The following ADAMTS20 variants were observed in gnomAD, a reference collection of about 807,000 sequenced individuals.
ADAMTS20 encodes the protein ADAM metallopeptidase with thrombospondin type 1 motif 20, also known as A disintegrin and metalloproteinase with thrombospondin motifs 20.
ADAMTS20 carries 225 observed loss-of-function variants against 260.1 expected under a neutral mutation model. The observed-to-expected ratio is 0.87, with a 90% CI of 0.78 to 0.97. The LOEUF (loss-of-function observed/expected upper bound fraction) is 0.97. ADAMTS20 is among the 50% of genes least tolerant of loss of function. ADAMTS20 has a pLI of 0.00. For synonymous variants in ADAMTS20, 802 were observed against 769.5 expected, an observed-to-expected ratio of 1.04 and a Z score of -0.70; for missense variants, 2,400 against 2,337.7, an observed-to-expected ratio of 1.03 and a Z score of -0.55.
chr12:43,430,713 T>C (rs531727654), intron 22 of ADAMTS20, among the ~76,000 whole-genome samples: 1 of 152,274 alleles, frequency 6.6e-6, no homozygotes, highest in Non-Finnish European at 1.5e-5. Flanking sequence ...TGAAAAGTTG[T>C]CATATAAAAA....
intron 3 of ADAMTS20, among the ~76,000 whole-genome samples, chr12:43,522,671 C>T (rs1943088219): frequency 6.6e-6 from 1 of 152,174 alleles, no homozygotes; most frequent in East Asian, 1.9e-4. Flanking sequence ...AGGGTCCTTC[C>T]TCACTTGGGT....
At chr12:43,420,424 T>C (rs975763927) in intron 28 of ADAMTS20, among the ~76,000 whole-genome samples, 9 of 152,206 alleles carry the variant, frequency 5.9e-5, no homozygotes. Flanking sequence ...GAGAAGTGTA[T>C]TATAAAATTT....
Position 43,492,538 on chromosome 12 carries a change from G to T in ADAMTS20, c.1043C>A (p.Pro348His). ...AAGAACAGCAGTGTCATGGTGGGAA[G>T]GGTGAACATCATCAAGGTCATTCTG... ...QTQNDLDDVH[P>H]SHHDTAVLIT... Residue 348 changes from proline to histidine, a missense_variant, in exon 6 of 39, where the codon CCT becomes CAT. Coordinates refer to ENST00000389420, the MANE Select transcript of ADAMTS20 (RefSeq NM_025003.5). 6.2e-7 allele frequency: 1 copy of T among 1,613,840 alleles called. No individual in the cohort carries two copies. Among genetic ancestry groups the T allele is most frequent in the South Asian group, 1.1e-5 (1 of 91,062 alleles).
At chr12:43,380,602 T>C (rs1466545959) in intron 31 of ADAMTS20, among the ~76,000 whole-genome samples, 1 of 152,132 alleles carries the variant, frequency 6.6e-6, no homozygotes, top group East Asian at 1.9e-4. Flanking sequence ...AACAATTCTA[T>C]TTCTATACAC....
intron 3 of ADAMTS20, among the ~76,000 whole-genome samples, chr12:43,506,235 T>G (rs983915683): frequency 2.6e-5 from 4 of 152,106 alleles, no homozygotes; most frequent in African/African-American, 9.7e-5. Context: ...TAAGCCAGTT[T>G]TTTTTTTTAA....
In ADAMTS20 at chr12:43,432,487, G is replaced by C; in HGVS notation, c.2932-19C>G. On this transcript the variant is annotated intron_variant, in intron 20 of 38. Transcript: ENST00000389420. ...TGGAACACTGATTAAAAAAAAAAAA[G>C]TGGTAACTAATGGAAAAAAATCAGA... is the stretch of plus-strand genomic sequence containing the variant. The C allele has an allele frequency of 1.3e-6, 2 of 1,528,106 alleles. No homozygotes were observed. The highest frequency in any genetic ancestry group is 1.8e-6 in the Non-Finnish European group (2 of 1,123,534). 94.7% of individuals were successfully genotyped at this position (1,528,106 alleles called of 1,614,324 possible).
chr12:43,383,664 C>T lies in ADAMTS20; in HGVS notation c.4691G>A (p.Arg1564Lys), dbSNP rs1200026115. ...ATTATAGACTATTTCATTCACTTGT[C>T]TGATTTGGTTATCTGTGCACTCCAT... Reference protein sequence around the residue: ...QRMECTDNQIRQVNEIVYNSS... With the variant: ...QRMECTDNQIKQVNEIVYNSS... Residue 1564 changes from arginine to lysine, a missense_variant, in exon 31 of 39, where the codon AGA (arginine) becomes AAA (lysine). Transcript: ENST00000389420. 6.2e-7 allele frequency: 1 copy of T among 1,613,890 alleles called. No individual in the cohort carries two copies. Among genetic ancestry groups the T allele is most frequent in the Non-Finnish European group, 8.5e-7 (1 of 1,179,850 alleles).
intron 21 of ADAMTS20, among the ~76,000 whole-genome samples, chr12:43,431,992 C>T (rs1364590538): frequency 1.3e-5 from 2 of 152,000 alleles, no homozygotes; most frequent in Non-Finnish European, 2.9e-5. Context: ...ATCCTCCCAC[C>T]TCAGCCTCCC....
intron 28 of ADAMTS20, among the ~76,000 whole-genome samples, chr12:43,416,981 T>G (rs887066600): frequency 6.6e-6 from 1 of 152,180 alleles, no homozygotes; most frequent in African/African-American, 2.4e-5. Flanking sequence ...ATGCATATTT[T>G]CTGACTTCCT....
At chr12:43,449,914 A>C (rs1415841719) in intron 14 of ADAMTS20, among the ~76,000 whole-genome samples, 1 of 152,286 alleles carries the variant, frequency 6.6e-6, no homozygotes, top group East Asian at 1.9e-4. Context: ...TGGAAATAAA[A>C]CCTAGGAATC....
intron 2 of ADAMTS20, among the ~76,000 whole-genome samples, chr12:43,541,598 A>G (rs1157586917): frequency 6.6e-6 from 1 of 152,312 alleles, no homozygotes; most frequent in Non-Finnish European, 1.5e-5. Context: ...AAAAATGTAA[A>G]AAGTTTTCTC....
chr12:43,449,302 C>A (rs904943018), intron 14 of ADAMTS20, among the ~76,000 whole-genome samples: 2 of 151,964 alleles, frequency 1.3e-5, no homozygotes, highest in Non-Finnish European at 2.9e-5. Flanking sequence ...TACTATGCAG[C>A]CATAGAAAAG....
chr12:43,361,523 C>T (rs1342785106), intron 37 of ADAMTS20, among the ~76,000 whole-genome samples: 1 of 152,228 alleles, frequency 6.6e-6, no homozygotes, highest in African/African-American at 2.4e-5. Context: ...GCAGGAAGAG[C>T]ATTTTATTGC....
At chr12:43,457,432 T>A (rs1457639812) in intron 11 of ADAMTS20, among the ~76,000 whole-genome samples, 1 of 152,218 alleles carries the variant, frequency 6.6e-6, no homozygotes, top group East Asian at 1.9e-4. Context: ...TTCTTTACTA[T>A]TAAGAGTTAC....
At chr12:43,516,995 A>C (rs1357686637) in intron 3 of ADAMTS20, among the ~76,000 whole-genome samples, 1 of 152,034 alleles carries the variant, frequency 6.6e-6, no homozygotes, top group Non-Finnish European at 1.5e-5. Context: ...TGCAGGGAAA[A>C]AGCTGGATAA....
chr12:43,434,509 T>G, intron 18 of ADAMTS20, 138 bp from the exon 19 acceptor site: 1 of 715,758 alleles, frequency 1.4e-6, no homozygotes, highest in South Asian at 2.3e-5. Flanking sequence ...CAGGATATAC[T>G]AGTATATTAA....
chr12:43,462,944 A>C lies in ADAMTS20; in HGVS notation c.1565T>G (p.Phe522Cys). 6.2e-7 allele frequency: 1 copy of C among 1,609,902 alleles called. No homozygotes were observed. Reference protein sequence around the residue: ...TSTEKLHKGCFTQHVPPADGT... With the variant: ...TSTEKLHKGCCTQHVPPADGT... Reference sequence around the variant, plus strand: ...ATCTGCTGGTGGCACGTGTTGAGTGAAACAGCCTTTGTGAAGCTTTTCTGT... The same window carrying C: ...ATCTGCTGGTGGCACGTGTTGAGTGCAACAGCCTTTGTGAAGCTTTTCTGT... Residue 522 changes from phenylalanine to cysteine, a missense_variant, in exon 11 of 39, where the codon TTC becomes TGC. Physicochemically the swap from Phe to Cys is radical, Grantham distance 205. Transcript: ENST00000389420.
chr12:43,423,570 A>T (rs1023735067), intron 28 of ADAMTS20: 1 of 596,250 alleles, frequency 1.7e-6, no homozygotes, highest in African/African-American at 1.9e-5. Context: ...CCAAGAAAGT[A>T]ATCCACAGTC....
chr12:43,481,804 G>A (rs61926787), intron 7 of ADAMTS20, among the ~76,000 whole-genome samples: 15 of 152,124 alleles, frequency 9.9e-5, no homozygotes, highest in African/African-American at 3.6e-4. Flanking sequence ...ACAAAATAGC[G>A]TGTGGAACTC....
Sources: allele counts gnomAD v4.1 joint callset (sites outside exome capture counted in the v4.1 genomes callset), GRCh38; gene constraint gnomAD v4.1.1; transcripts MANE v1.5; gene names NCBI Gene and HGNC (gene_info 2026-07-23, HGNC 2026-07-21).